The following NRXN3 variants were observed in gnomAD, a reference collection of about 807,000 sequenced individuals.
NRXN3 encodes neurexin III.
NRXN3 carries 32 observed loss-of-function variants against 137.6 expected under a neutral mutation model. That is an observed-to-expected ratio of 0.23 (90% CI 0.18 to 0.31). The LOEUF (loss-of-function observed/expected upper bound fraction) is 0.31. Among genes scored for constraint, NRXN3 ranks in the 10% least tolerant of loss-of-function variants. The probability of loss-of-function intolerance (pLI) is 1.00; values close to 1 mark genes in which losing one functional copy is unlikely to be tolerated. For missense variants in NRXN3, 1,574 were observed against 2,062.5 expected (o/e 0.76, Z 4.59); for synonymous variants, 798 against 784.5 (o/e 1.02, Z -0.29).
intron 15 of NRXN3, among the ~76,000 whole-genome samples, chr14:79,194,561 A>C (rs913116608): frequency 2.1e-4 from 32 of 152,232 alleles, no homozygotes; most frequent in African/African-American, 7.5e-4. Flanking sequence ...AAAGGCAAAG[A>C]TATCCTTCAG....
intron 19 of NRXN3, among the ~76,000 whole-genome samples, chr14:79,712,065 A>AAGATAGAT (rs142254606): frequency 1.3e-5 from 2 of 152,210 alleles, no homozygotes; most frequent in African/African-American, 2.4e-5. Flanking sequence ...AACGCAGCTG[A>AAGATAGAT]AGATAGATAG....
chr14:78,584,795 C>A, intron 4 of NRXN3, among the ~76,000 whole-genome samples: 1 of 152,210 alleles, frequency 6.6e-6, no homozygotes, highest in East Asian at 1.9e-4. Context: ...GTTCTAGCGT[C>A]AAATCATCCA....
intron 15 of NRXN3, among the ~76,000 whole-genome samples, chr14:79,147,770 C>T (rs1239676281): frequency 2.0e-5 from 3 of 152,080 alleles, no homozygotes; most frequent in Non-Finnish European, 4.4e-5. Flanking sequence ...AGCAAGGCAT[C>T]GTTGCTTTCC....
intron 15 of NRXN3, among the ~76,000 whole-genome samples, chr14:79,441,817 A>C (rs1360664106): frequency 6.6e-6 from 1 of 151,826 alleles, no homozygotes; most frequent in African/African-American, 2.4e-5. Context: ...CAAAGACTAA[A>C]ATGACCTGTT....
At chr14:78,256,123 A>G (rs2069543708) in intron 2 of NRXN3, among the ~76,000 whole-genome samples, 1 of 152,070 alleles carries the variant, frequency 6.6e-6, no homozygotes, top group Non-Finnish European at 1.5e-5. Flanking sequence ...TCCTATAACA[A>G]TTATAGGCAG....
intron 8 of NRXN3, among the ~76,000 whole-genome samples, chr14:78,763,114 A>G (rs2098698033): frequency 6.6e-6 from 1 of 152,244 alleles, no homozygotes; most frequent in Admixed American, 6.5e-5. Context: ...GGAAATTAAA[A>G]TATCCTGCAA....
chr14:79,588,495 T>C (rs1602524564), intron 16 of NRXN3, among the ~76,000 whole-genome samples: 1 of 152,246 alleles, frequency 6.6e-6, no homozygotes, highest in African/African-American at 2.4e-5. Context: ...CTATTTGAAC[T>C]AAACTGACAG....
At chr14:78,690,491 A>G (rs900692043) in intron 6 of NRXN3, among the ~76,000 whole-genome samples, 10 of 152,200 alleles carry the variant, frequency 6.6e-5, no homozygotes, top group Non-Finnish European at 1.2e-4. Context: ...TACATGTGTA[A>G]CACTTCTACT....
chr14:79,169,243 T>G (rs965153543), intron 15 of NRXN3, among the ~76,000 whole-genome samples: 2 of 152,100 alleles, frequency 1.3e-5, no homozygotes, highest in Non-Finnish European at 2.9e-5. Context: ...GTCAGAATGC[T>G]ACATGCTCCC....
At chr14:79,301,244 C>T (rs998139703) in intron 15 of NRXN3, among the ~76,000 whole-genome samples, 2 of 152,056 alleles carry the variant, frequency 1.3e-5, no homozygotes, top group Admixed American at 6.6e-5. Context: ...ATCATGTGGA[C>T]TATCTGCTGT....
At chr14:79,395,368 A>C (rs1242248377) in intron 15 of NRXN3, among the ~76,000 whole-genome samples, 1 of 152,184 alleles carries the variant, frequency 6.6e-6, no homozygotes, top group Admixed American at 6.5e-5. Flanking sequence ...TTCCAGAAGC[A>C]GTGGCATATT....
chr14:78,332,518 G>A (rs2153571753), intron 4 of NRXN3, among the ~76,000 whole-genome samples: 1 of 152,154 alleles, frequency 6.6e-6, no homozygotes, highest in African/African-American at 2.4e-5. Context: ...GTTTCACCAT[G>A]TTGGCCAGGC....
chr14:78,533,935 TC>T (rs1425034585), intron 4 of NRXN3, among the ~76,000 whole-genome samples: 4 of 152,208 alleles, frequency 2.6e-5, no homozygotes, highest in African/African-American at 4.8e-5. Flanking sequence ...TGGGCAAGGT[TC>T]TTGACACACA....
intron 4 of NRXN3, among the ~76,000 whole-genome samples, chr14:78,505,920 A>G (rs1955934042): frequency 6.6e-6 from 1 of 152,182 alleles, no homozygotes; most frequent in African/African-American, 2.4e-5. Context: ...TGCCTTCACC[A>G]TAATCAAGGT....
intron 15 of NRXN3, among the ~76,000 whole-genome samples, chr14:79,016,050 T>G (rs1003808785): frequency 6.6e-6 from 1 of 152,166 alleles, no homozygotes; most frequent in African/African-American, 2.4e-5. Flanking sequence ...GTCTTTCCCT[T>G]CTCACCTTGT....
At chr14:79,242,000 G>A (rs2074381490) in intron 15 of NRXN3, among the ~76,000 whole-genome samples, 1 of 152,020 alleles carries the variant, frequency 6.6e-6, no homozygotes, top group African/African-American at 2.4e-5. Flanking sequence ...CCAGGAGGCA[G>A]AGGTTGCAGT....
chr14:78,181,366 C>T (rs1251360276), intron 1 of NRXN3, among the ~76,000 whole-genome samples: 4 of 150,734 alleles, frequency 2.7e-5, no homozygotes, highest in Middle Eastern at 3.4e-3. Context: ...GGGGTAGCCC[C>T]GGGTCTCCTT....
intron 10 of NRXN3, among the ~76,000 whole-genome samples, chr14:78,905,933 T>A (rs2099214741): frequency 6.6e-6 from 1 of 152,046 alleles, no homozygotes; most frequent in African/African-American, 2.4e-5. Context: ...AACATACGAT[T>A]TGGTGGAATA....
At chr14:78,488,660 G>A (rs2095608210) in intron 4 of NRXN3, among the ~76,000 whole-genome samples, 2 of 151,816 alleles carry the variant, frequency 1.3e-5, no homozygotes, top group Middle Eastern at 3.2e-3. Context: ...TTTCATGTTT[G>A]TTGGAGGAAA....
Sources: gnomAD v4.1 joint callset for allele counts (sites outside exome capture counted in the v4.1 genomes callset) on GRCh38, gnomAD v4.1.1 for gene constraint, MANE v1.5 for transcripts, NCBI Gene and HGNC (gene_info 2026-07-23, HGNC 2026-07-21) for gene names.